The following PCDHGB7 variants were observed in gnomAD, a reference collection of about 807,000 sequenced individuals.
PCDHGB7 encodes the protein protocadherin gamma subfamily B, 7.
A neutral mutation model predicts 61.4 loss-of-function variants in PCDHGB7; 37 were observed. The ratio of observed to expected loss-of-function variants is 0.60; its 90% CI spans 0.46 to 0.79. The LOEUF is 0.79. PCDHGB7 is among the 30% of genes least tolerant of loss of function. The pLI, the probability that PCDHGB7 is intolerant of heterozygous loss-of-function variation, is 0.00. For missense variants in PCDHGB7, 1,166 were observed against 1,202.5 expected, an observed-to-expected ratio of 0.97 and a Z score of 0.45; for synonymous variants, 464 against 503.5, an observed-to-expected ratio of 0.92 and a Z score of 1.05.
intron 1 of PCDHGB7, among the ~76,000 whole-genome samples, chr5:141,460,093 A>T (rs2098981983): frequency 6.6e-6 from 1 of 151,964 alleles, no homozygotes. Flanking sequence ...TAATAATTAT[A>T]CATGTAATTA....
In PCDHGB7 at chr5:141,488,566, A is replaced by T. The variant is rs1354931497; in HGVS notation, c.2416-6241A>T. On this transcript the variant is annotated intron_variant, in intron 1 of 3. Coordinates refer to ENST00000398594, the MANE Select transcript of PCDHGB7 (RefSeq NM_018927.4). ...TGTCAGCTGACATTGAGATTTCCGC[A>T]AAGCATTGCTGGAGAGTCAGGGCAA... 5.9e-5 allele frequency among the ~76,000 whole-genome samples: 9 copies of T among 152,324 alleles called. No individual in the cohort carries two copies. In the East Asian group the frequency reaches 1.5e-3, roughly 26 times the overall value.
chr5:141,432,692 G>A lies in PCDHGB7; in HGVS notation c.2415+12418G>A. The A allele has an allele frequency of 6.2e-7, 1 of 1,613,964 alleles. No homozygotes were observed. Among genetic ancestry groups the A allele is most frequent in the Non-Finnish European group, 8.5e-7 (1 of 1,179,978 alleles). On this transcript the variant is annotated intron_variant, in intron 1 of 3. Transcript: ENST00000398594. The surrounding 1 kb of genome is among the most constrained non-coding windows in gnomAD (Gnocchi z 6.0). ...CGCGCTCAAGCAGAGCCTCGTAGTG[G>A]CCGTCCAGGACCACGGCCAGCCCCC...
intron 1 of PCDHGB7, among the ~76,000 whole-genome samples, chr5:141,443,866 T>C (rs1017854695): frequency 6.6e-6 from 1 of 151,986 alleles, no homozygotes; most frequent in Non-Finnish European, 1.5e-5. Context: ...ACTGAAAAAA[T>C]TACTGATAAG....
chr5:141,433,514 G>C (rs1330494451), intron 1 of PCDHGB7, among the ~76,000 whole-genome samples: 1 of 152,016 alleles, frequency 6.6e-6, no homozygotes, highest in East Asian at 1.9e-4. Context: ...GATTACAGGC[G>C]TGAACCACAG....
chr5:141,469,206 AG>A (rs1457933263), intron 1 of PCDHGB7, among the ~76,000 whole-genome samples: 1 of 150,920 alleles, frequency 6.6e-6, no homozygotes, highest in African/African-American at 2.4e-5. Context: ...AGCCTTTTGA[AG>A]TTGAGGCTTC....
At chr5:141,482,561 T>C (rs1411268228) in intron 1 of PCDHGB7, among the ~76,000 whole-genome samples, 3 of 136,978 alleles carry the variant, frequency 2.2e-5, no homozygotes, top group African/African-American at 8.6e-5. Flanking sequence ...ATAATGGAGA[T>C]CTGCATAGCA....
rs1177173734 is a variant in PCDHGB7, at chr5:141,491,741, G to A, written c.2416-3066G>A. ...CCGCCCCGGGCGACCCCTGGGGGCG[G>A]CACTGGAGAAGCCGCCCGTCCTCAT... On this transcript the variant is annotated intron_variant, in intron 1 of 3. Coordinates refer to ENST00000398594, the MANE Select transcript of PCDHGB7 (RefSeq NM_018927.4). The surrounding 1 kb of genome is among the most constrained non-coding windows in gnomAD (Gnocchi z 6.9). 1.9e-6 allele frequency: 3 copies of A among 1,595,644 alleles called. No homozygotes were observed. In the South Asian group the frequency reaches 3.4e-5, roughly 18 times the overall value.
intron 1 of PCDHGB7, among the ~76,000 whole-genome samples, chr5:141,483,575 A>G (rs1165739266): frequency 6.6e-6 from 1 of 152,194 alleles, no homozygotes; most frequent in Non-Finnish European, 1.5e-5. Flanking sequence ...GAATTCTGGC[A>G]TAAACACCTA....
At chr5:141,467,939 A>G (rs2099154812) in intron 1 of PCDHGB7, among the ~76,000 whole-genome samples, 2 of 152,190 alleles carry the variant, frequency 1.3e-5, no homozygotes, top group Admixed American at 6.5e-5. Context: ...GATTACAAGC[A>G]TGAGCCACCA....
chr5:141,435,760 T>C (rs1241767830), intron 1 of PCDHGB7, among the ~76,000 whole-genome samples: 1 of 152,172 alleles, frequency 6.6e-6, no homozygotes, highest in Non-Finnish European at 1.5e-5. Context: ...TTGATTTCTT[T>C]TGGTGAATTC....
chr5:141,423,612 TGAAGAC>T, intron 1 of PCDHGB7: 1 of 1,611,004 alleles, frequency 6.2e-7, no homozygotes, highest in African/African-American at 1.3e-5. Flanking sequence ...TCTTGATAGC[TGAAGAC>T]TCAGCTATCA....
In PCDHGB7 at chr5:141,511,351, C is replaced by A. The variant is rs1190324197; in HGVS notation, c.*178C>A. 11 of 1,386,432 alleles carry A rather than the reference C, an allele frequency of 7.9e-6. No individual in the cohort carries two copies. Among genetic ancestry groups the A allele is most frequent in the South Asian group, 4.5e-5 (3 of 67,158 alleles). The allele number at this position is 1,386,432 out of a possible 1,614,324, so 85.9% of individuals were successfully genotyped here. On this transcript the variant is annotated 3_prime_UTR_variant, in exon 4 of 4. Transcript: ENST00000398594. ...CCAGTCAGCACCTACCCCTTCCCCC[C>A]CAGGGGGTTGAATATGCAAAAGCAG...
At chr5:141,494,171 G>A (rs72790068) in intron 1 of PCDHGB7, among the ~76,000 whole-genome samples, 9,520 of 152,240 alleles carry the variant, frequency 0.063, 348 homozygotes, top group South Asian at 0.11. Flanking sequence ...TTCTAGGGGT[G>A]AGAAGTGTCC....
intron 1 of PCDHGB7, among the ~76,000 whole-genome samples, chr5:141,454,628 A>C (rs1008375225): frequency 1.3e-4 from 19 of 151,334 alleles, no homozygotes; most frequent in African/African-American, 4.4e-4. Context: ...CTGGTCTCGA[A>C]CCCCCAACCT....
chr5:141,427,704 G>A (rs2097059746), intron 1 of PCDHGB7: 1 of 966,116 alleles, frequency 1.0e-6, no homozygotes, highest in Non-Finnish European at 1.6e-6. Flanking sequence ...ACAAGTCAGC[G>A]CCTCTGACCT....
chr5:141,468,159 T>C (rs1408861467), intron 1 of PCDHGB7, among the ~76,000 whole-genome samples: 2 of 151,760 alleles, frequency 1.3e-5, no homozygotes, highest in Admixed American at 6.6e-5. Context: ...ACCCTGTCTC[T>C]GCTAAAAATA....
At chr5:141,427,410 G>GA (rs1197961039) in intron 1 of PCDHGB7, 3 of 463,834 alleles carry the variant, frequency 6.5e-6, no homozygotes, top group African/African-American at 2.0e-5. Flanking sequence ...AGATTCGAGA[G>GA]AAAATGGGGA....
At chr5:141,430,846 C>A in intron 1 of PCDHGB7, 1 of 1,576,344 alleles carries the variant, frequency 6.3e-7, no homozygotes, top group South Asian at 1.2e-5. Context: ...CCGGATGCAC[C>A]CAGATACGCT....
chr5:141,468,360 A>T (rs1249822461), intron 1 of PCDHGB7: 1 of 151,938 alleles, frequency 6.6e-6, no homozygotes, highest in East Asian at 1.9e-4. Flanking sequence ...GAAAGAAAAA[A>T]GAAATAACTC....
Sources: allele counts gnomAD v4.1 joint callset (sites outside exome capture counted in the v4.1 genomes callset), GRCh38; gene constraint gnomAD v4.1.1; non-coding constraint Gnocchi (gnomAD v3.1); transcripts MANE v1.5; gene names NCBI Gene and HGNC (gene_info 2026-07-23, HGNC 2026-07-21).